Variants in ADGRB3 observed in about 807,000 individuals in gnomAD.
The protein encoded by ADGRB3 is adhesion G protein-coupled receptor B3.
A neutral mutation model predicts 193.4 loss-of-function variants in ADGRB3; 37 were observed. The ratio of observed to expected loss-of-function variants is 0.19; its 90% CI spans 0.15 to 0.25. The LOEUF (loss-of-function observed/expected upper bound fraction) is 0.25, where lower values mean the gene tolerates loss of function less well. Ranked by LOEUF, ADGRB3 falls within the 10% of genes least tolerant of loss-of-function variation. ADGRB3 has a pLI of 1.00. For missense variants in ADGRB3, 1,637 were observed against 1,852.9 expected (o/e 0.88, Z 2.14); for synonymous variants, 690 against 644.2 (o/e 1.07, Z -1.08).
At chr6:69,172,433 G>C (rs1353770702) in intron 17 of ADGRB3, among the ~76,000 whole-genome samples, 3 of 151,678 alleles carry the variant, frequency 2.0e-5, no homozygotes, top group Non-Finnish European at 4.4e-5. Context: ...CACGAGGTCA[G>C]GAGATCAAGA....
chr6:69,136,727 CTTT>C (rs1250315211), intron 17 of ADGRB3, among the ~76,000 whole-genome samples: 2 of 151,772 alleles, frequency 1.3e-5, no homozygotes, highest in African/African-American at 2.4e-5. Flanking sequence ...TTTGAAACTT[CTTT>C]ATTTCCTTTA....
At chr6:68,838,936 G>A (rs997921385) in intron 3 of ADGRB3, among the ~76,000 whole-genome samples, 4 of 152,064 alleles carry the variant, frequency 2.6e-5, no homozygotes, top group Admixed American at 2.0e-4. Flanking sequence ...AACTAATAGT[G>A]AAGCCAAATT....
intron 3 of ADGRB3, among the ~76,000 whole-genome samples, chr6:68,719,544 T>C (rs1355536781): frequency 6.6e-6 from 1 of 151,788 alleles, no homozygotes; most frequent in African/African-American, 2.4e-5. Flanking sequence ...CTGATGCCTC[T>C]GTTTAATTAA....
At chr6:68,773,244 A>G (rs1766674600) in intron 3 of ADGRB3, among the ~76,000 whole-genome samples, 1 of 152,120 alleles carries the variant, frequency 6.6e-6, no homozygotes, top group African/African-American at 2.4e-5. Flanking sequence ...CAATTTTCTA[A>G]TGTTGCCCAA....
chr6:69,103,497 A>G (rs1350626598), intron 17 of ADGRB3, among the ~76,000 whole-genome samples: 1 of 152,146 alleles, frequency 6.6e-6, no homozygotes, highest in East Asian at 1.9e-4. Context: ...ATATTGATTA[A>G]GGAAAAAAAG....
chr6:69,382,059 A>C (rs1769958843), intron 30 of ADGRB3, among the ~76,000 whole-genome samples: 1 of 151,922 alleles, frequency 6.6e-6, no homozygotes, highest in Non-Finnish European at 1.5e-5. Context: ...ACTTACCCCA[A>C]GGCCATTTTT....
intron 17 of ADGRB3, among the ~76,000 whole-genome samples, chr6:69,155,081 A>G (rs1274674718): frequency 6.6e-6 from 1 of 152,238 alleles, no homozygotes; most frequent in Non-Finnish European, 1.5e-5. Context: ...CTTTACAAGT[A>G]TTCTAAAATT....
chr6:69,078,174 A>C (rs1320684403), intron 17 of ADGRB3, among the ~76,000 whole-genome samples: 3 of 152,030 alleles, frequency 2.0e-5, no homozygotes, highest in Non-Finnish European at 4.4e-5. Context: ...ATAAAGTTCA[A>C]ATTAGAAGTT....
At chr6:68,976,970 C>T (rs1366836274) in intron 10 of ADGRB3, among the ~76,000 whole-genome samples, 2 of 149,262 alleles carry the variant, frequency 1.3e-5, no homozygotes, top group African/African-American at 2.4e-5. Context: ...ATATTTATCA[C>T]ATAAACATAA....
intron 17 of ADGRB3, among the ~76,000 whole-genome samples, chr6:69,195,389 A>G (rs747652720): frequency 4.6e-5 from 7 of 151,682 alleles, no homozygotes; most frequent in Non-Finnish European, 8.8e-5. Flanking sequence ...AAATAATAAA[A>G]AATAAATTCA....
intron 20 of ADGRB3, among the ~76,000 whole-genome samples, chr6:69,298,802 T>C (rs1217509162): frequency 1.3e-5 from 2 of 152,120 alleles, no homozygotes; most frequent in African/African-American, 4.8e-5. Context: ...CTTAGGTTGA[T>C]TCCATATTTT....
intron 3 of ADGRB3, among the ~76,000 whole-genome samples, chr6:68,879,056 G>A (rs1287548266): frequency 6.6e-6 from 1 of 151,972 alleles, no homozygotes; most frequent in Non-Finnish European, 1.5e-5. Flanking sequence ...GATTTGGGTG[G>A]GGACACAGAG....
At chr6:68,806,851 T>G (rs1330120956) in intron 3 of ADGRB3, among the ~76,000 whole-genome samples, 1 of 152,146 alleles carries the variant, frequency 6.6e-6, no homozygotes, top group Non-Finnish European at 1.5e-5. Flanking sequence ...TATATTTACT[T>G]TGTTGCAGTT....
At chr6:68,776,334 T>C (rs1228522353) in intron 3 of ADGRB3, among the ~76,000 whole-genome samples, 1 of 152,136 alleles carries the variant, frequency 6.6e-6, no homozygotes, top group Non-Finnish European at 1.5e-5. Flanking sequence ...ACAACTGTGG[T>C]GGGGTTACAT....
intron 21 of ADGRB3, among the ~76,000 whole-genome samples, chr6:69,325,255 A>T (rs1768542541): frequency 6.6e-6 from 1 of 151,740 alleles, no homozygotes; most frequent in African/African-American, 2.4e-5. Context: ...GTGTCTAGAT[A>T]GTATGAAATG....
intron 3 of ADGRB3, among the ~76,000 whole-genome samples, chr6:68,843,995 A>G (rs1582247601): frequency 6.6e-6 from 1 of 152,180 alleles, no homozygotes; most frequent in Non-Finnish European, 1.5e-5. Flanking sequence ...CTAGATTCCT[A>G]TCTCTCACAT....
chr6:69,069,041 G>A (rs1582437366), intron 16 of ADGRB3, among the ~76,000 whole-genome samples: 1 of 152,084 alleles, frequency 6.6e-6, no homozygotes, highest in South Asian at 2.1e-4. Flanking sequence ...TAAGAGTACA[G>A]TATTGTATTC....
At position 69,018,486 on chromosome 6, in the gene ADGRB3, G is replaced by C; in HGVS notation, c.2094G>C (p.Met698Ile). The part of the protein sequence containing the change: ...GMMDFQNSYL[M>I]TGNVVASIQK... ...TGGACTTTCAGAATTCATACTTAAT[G>C]ACTGGAAATGTAGGTAAGAAATAGG... is the stretch of plus-strand genomic sequence containing the variant. Residue 698 changes from methionine to isoleucine, a missense_variant, in exon 13 of 32, where the codon ATG (methionine) becomes ATC (isoleucine). By Grantham distance (10) the Met-to-Ile change is conservative. Coordinates refer to ENST00000370598, the MANE Select transcript of ADGRB3 (RefSeq NM_001704.3). 6.3e-7 allele frequency: 1 copy of C among 1,599,292 alleles called. No individual in the cohort carries two copies. The highest frequency in any genetic ancestry group is 1.1e-5 in the South Asian group (1 of 89,970).
intron 20 of ADGRB3, among the ~76,000 whole-genome samples, chr6:69,252,297 G>A (rs1031275193): frequency 6.6e-6 from 1 of 152,032 alleles, no homozygotes; most frequent in African/African-American, 2.4e-5. Context: ...TGTTTATCCA[G>A]TTTCCAATTG....
Sources: gnomAD v4.1 joint callset for allele counts (sites outside exome capture counted in the v4.1 genomes callset) on GRCh38, gnomAD v4.1.1 for gene constraint, MANE v1.5 for transcripts, NCBI Gene and HGNC (gene_info 2026-07-23, HGNC 2026-07-21) for gene names.